The following FHIT variants were observed in gnomAD, a reference collection of about 807,000 sequenced individuals.
FHIT encodes fragile histidine triad diadenosine triphosphatase.
Under a neutral mutation model 17.9 loss-of-function variants are expected in FHIT, and 19 were observed. The ratio of observed to expected loss-of-function variants is 1.06; its 90% CI spans 0.74 to 1.56. The LOEUF is 1.56. FHIT is among the 40% of genes most tolerant of loss of function. The pLI is 0.00. For synonymous variants in FHIT, 81 were observed against 69.7 expected (o/e 1.16, Z -0.81); for missense variants, 248 against 189.2 (o/e 1.31, Z -1.82).
chr3:60,201,664 A>T (rs1037890907), intron 5 of FHIT, among the ~76,000 whole-genome samples: 4 of 152,160 alleles, frequency 2.6e-5, no homozygotes, highest in Non-Finnish European at 5.9e-5. Flanking sequence ...CATGGCCTAC[A>T]TGGGATTTAT....
intron 5 of FHIT, among the ~76,000 whole-genome samples, chr3:60,058,203 G>A (rs750568848): frequency 1.6e-5 from 2 of 128,372 alleles, no homozygotes; most frequent in East Asian, 2.4e-4. Context: ...GCAGTGGCTC[G>A]ACTCGATCTC....
chr3:60,216,580 C>T lies in FHIT; in HGVS notation c.104-202428G>A, dbSNP rs146680920. Among the ~76,000 whole-genome samples the T allele has an allele frequency of 3.3e-3, 498 of 152,164 alleles. 6 individuals carry two copies. Among genetic ancestry groups the T allele is most frequent in the Admixed American group, 6.9e-3 (106 of 15,282 alleles). ...AGAAAATGATTCATTTTACTGTCTA[C>T]CTAATACTGAGCTGAAATACTCTAC... On this transcript the variant is annotated intron_variant, in intron 5 of 9. Coordinates refer to ENST00000492590, the MANE Select transcript of FHIT (RefSeq NM_002012.4).
intron 4 of FHIT, among the ~76,000 whole-genome samples, chr3:60,754,167 A>G (rs992432493): frequency 6.6e-6 from 1 of 152,204 alleles, no homozygotes; most frequent in Admixed American, 6.5e-5. Context: ...ATATTCTCCA[A>G]TAATATCAAA....
At chr3:60,992,188 T>C (rs1014210654) in intron 3 of FHIT, among the ~76,000 whole-genome samples, 5 of 152,140 alleles carry the variant, frequency 3.3e-5, no homozygotes, top group African/African-American at 1.2e-4. Context: ...CTGCTGTTGG[T>C]AGATATCAAA....
At chr3:60,850,126 G>A (rs1330026433) in intron 3 of FHIT, among the ~76,000 whole-genome samples, 1 of 151,886 alleles carries the variant, frequency 6.6e-6, no homozygotes, top group Non-Finnish European at 1.5e-5. Flanking sequence ...TGCTTGAGGG[G>A]GCATTTAGGA....
At chr3:60,960,149 G>A (rs1168334615) in intron 3 of FHIT, among the ~76,000 whole-genome samples, 3 of 152,102 alleles carry the variant, frequency 2.0e-5, no homozygotes, top group Non-Finnish European at 4.4e-5. Context: ...AGAGAGTTGT[G>A]TTTCAAGCTT....
rs59887101 is a variant in FHIT, at chr3:60,418,370, A to ATG, written c.103+118488_103+118489dup. 1.7e-4 allele frequency among the ~76,000 whole-genome samples: 19 copies of ATG among 108,994 alleles called. 1 individual carries two copies. Among genetic ancestry groups the ATG allele is most frequent in the African/African-American group, 7.6e-4 (19 of 25,106 alleles). The allele number at this position is 108,994 out of a possible 152,430, so 71.5% of individuals were successfully genotyped here. A position where few individuals can be genotyped will look rare whatever the true frequency, so the allele number is the denominator to read the frequency against. ...TACAAACCTATATATATGTATCTGA[A>ATG]TGTGTGTATATATATATATATATAT... On this transcript the variant is annotated intron_variant, in intron 5 of 9. Transcript: ENST00000492590.
chr3:60,924,913 C>T (rs919640538), intron 3 of FHIT, among the ~76,000 whole-genome samples: 1 of 152,122 alleles, frequency 6.6e-6, no homozygotes, highest in African/African-American at 2.4e-5. Flanking sequence ...GTGACGAATA[C>T]ACAAGTCTCA....
chr3:60,930,775 A>C (rs1447578504), intron 3 of FHIT, among the ~76,000 whole-genome samples: 1 of 152,164 alleles, frequency 6.6e-6, no homozygotes, highest in African/African-American at 2.4e-5. Flanking sequence ...TGGGACTGTA[A>C]ACTAGTTCAA....
chr3:60,983,209 G>T (rs1354548556), intron 3 of FHIT, among the ~76,000 whole-genome samples: 2 of 151,902 alleles, frequency 1.3e-5, no homozygotes, highest in Non-Finnish European at 1.5e-5. Flanking sequence ...AGAGTCCTCA[G>T]AAAGCACAGC....
intron 4 of FHIT, among the ~76,000 whole-genome samples, chr3:60,793,461 C>G (rs1425467007): frequency 6.6e-6 from 1 of 152,108 alleles, no homozygotes; most frequent in African/African-American, 2.4e-5. Context: ...TGCTACCACG[C>G]CCAGCTAATT....
chr3:61,200,571 G>A (rs967773002), intron 2 of FHIT, 46 bp downstream of exon 2: 1 of 152,514 alleles, frequency 6.6e-6, no homozygotes, highest in Non-Finnish European at 1.5e-5. Flanking sequence ...AAAAATCAAT[G>A]TTGTAAAGGC....
At chr3:61,015,990 A>G (rs943793418) in intron 3 of FHIT, among the ~76,000 whole-genome samples, 5 of 152,226 alleles carry the variant, frequency 3.3e-5, no homozygotes, top group African/African-American at 1.2e-4. Context: ...GTGTTCAACA[A>G]CATAACTGCT....
intron 4 of FHIT, among the ~76,000 whole-genome samples, chr3:60,786,142 G>C (rs1237208635): frequency 6.6e-5 from 10 of 152,084 alleles, no homozygotes; most frequent in African/African-American, 2.2e-4. Context: ...AAATGAGACA[G>C]CCCTGGGCTG....
At chr3:60,037,468 C>T (rs542606837) in intron 5 of FHIT, among the ~76,000 whole-genome samples, 57 of 150,776 alleles carry the variant, frequency 3.8e-4, no homozygotes, top group Non-Finnish European at 6.8e-4. Flanking sequence ...CTGCAACCTC[C>T]GCCTCCCAGG....
chr3:60,228,495 A>T (rs1704325161), intron 5 of FHIT, among the ~76,000 whole-genome samples: 1 of 152,220 alleles, frequency 6.6e-6, no homozygotes, highest in Admixed American at 6.5e-5. Flanking sequence ...TCTACTAAAA[A>T]GATAAAATTT....
intron 4 of FHIT, among the ~76,000 whole-genome samples, chr3:60,688,553 T>A (rs556126176): frequency 6.6e-6 from 1 of 151,650 alleles, no homozygotes; most frequent in Non-Finnish European, 1.5e-5. Flanking sequence ...CGCCTCAGCC[T>A]CTTGAGTAGC....
chr3:61,220,215 T>C (rs921235869), intron 1 of FHIT, among the ~76,000 whole-genome samples: 1 of 152,228 alleles, frequency 6.6e-6, no homozygotes, highest in Non-Finnish European at 1.5e-5. Context: ...TTTCAAATGA[T>C]AGCCAATTTT....
intron 4 of FHIT, among the ~76,000 whole-genome samples, chr3:60,697,649 C>A (rs959836711): frequency 6.6e-5 from 10 of 152,096 alleles, no homozygotes; most frequent in Admixed American, 6.6e-5. Flanking sequence ...GGAAAATAAA[C>A]CACAGATAAA....
Sources: gnomAD v4.1 joint callset for allele counts (sites outside exome capture counted in the v4.1 genomes callset) on GRCh38, gnomAD v4.1.1 for gene constraint, MANE v1.5 for transcripts, NCBI Gene and HGNC (gene_info 2026-07-23, HGNC 2026-07-21) for gene names.